The following DOCK7 variants were observed in gnomAD, a reference collection of about 807,000 sequenced individuals.
DOCK7 encodes the protein dedicator of cytokinesis 7, also known as dedicator of cytokinesis protein 7.
A neutral mutation model predicts 271.0 loss-of-function variants in DOCK7; 138 were observed. That is an observed-to-expected ratio of 0.51 (90% CI 0.44 to 0.59). The LOEUF (loss-of-function observed/expected upper bound fraction) is 0.59, where lower values mean the gene tolerates loss of function less well. DOCK7 is among the 20% of genes least tolerant of loss of function. DOCK7 has a pLI of 0.00. For missense variants in DOCK7, 2,066 were observed against 2,592.4 expected (o/e 0.80, Z 4.41); for synonymous variants, 823 against 876.1 (o/e 0.94, Z 1.07).
At chr1:62,592,000 C>T (rs1648523604) in intron 14 of DOCK7, among the ~76,000 whole-genome samples, 1 of 152,092 alleles carries the variant, frequency 6.6e-6, no homozygotes, top group Non-Finnish European at 1.5e-5. Context: ...AATTTAGTTA[C>T]TTAACACTTC....
intron 12 of DOCK7, among the ~76,000 whole-genome samples, chr1:62,620,809 G>A (rs753403549): frequency 6.6e-5 from 10 of 150,508 alleles, no homozygotes; most frequent in East Asian, 2.0e-4. Flanking sequence ...GCGTGAACTC[G>A]GGAGGCGGAG....
rs1038438088 is a variant in DOCK7, at chr1:62,678,685, T to G, written c.38+9542A>C. On this transcript the variant is annotated intron_variant, in intron 1 of 49. Transcript: ENST00000635253. ...AAATTTACGTGGAAATTCAAAGGGCTAAGAGCAGTCAAGATTTTTTTTTAA... is the reference window on the plus strand; with the variant it reads ...AAATTTACGTGGAAATTCAAAGGGCGAAGAGCAGTCAAGATTTTTTTTTAA... 2.6e-5 allele frequency among the ~76,000 whole-genome samples: 4 copies of G among 152,138 alleles called. 1 individual carries two copies. Among genetic ancestry groups the G allele is most frequent in the Admixed American group, 2.6e-4 (4 of 15,274 alleles).
chr1:62,536,079 T>C (rs918232302), intron 28 of DOCK7, among the ~76,000 whole-genome samples: 1 of 142,420 alleles, frequency 7.0e-6, no homozygotes, highest in Non-Finnish European at 1.5e-5. Context: ...GAATATACTA[T>C]CTCTGGAAAA....
intron 37 of DOCK7, 23 bp downstream of exon 37, chr1:62,504,607 A>G: frequency 6.2e-7 from 1 of 1,601,710 alleles, no homozygotes; most frequent in Non-Finnish European, 8.5e-7. Flanking sequence ...GAATACAGAG[A>G]ATTTTCATGA....
At chr1:62,512,166 T>C (rs950631540) in intron 33 of DOCK7, among the ~76,000 whole-genome samples, 2 of 152,228 alleles carry the variant, frequency 1.3e-5, no homozygotes, top group African/African-American at 4.8e-5. Context: ...ATTATTATTA[T>C]GCTAATGAAC....
chr1:62,584,941 T>A (rs780503308), intron 15 of DOCK7: 1 of 678,602 alleles, frequency 1.5e-6, no homozygotes, highest in Admixed American at 2.3e-5. Flanking sequence ...CAATAAAAAA[T>A]AGATTATTCT....
chr1:62,609,280 A>G (rs1651440587), intron 14 of DOCK7: 1 of 152,202 alleles, frequency 6.6e-6, no homozygotes. Flanking sequence ...TAAGAATTCT[A>G]TCTAAAATAC....
intron 11 of DOCK7, among the ~76,000 whole-genome samples, chr1:62,626,643 T>C (rs1483997908): frequency 1.3e-5 from 2 of 152,092 alleles, no homozygotes; most frequent in Non-Finnish European, 2.9e-5. Flanking sequence ...ACTAGATAAC[T>C]TTGATGAAAT....
chr1:62,672,867 T>C (rs1660164781), intron 1 of DOCK7, among the ~76,000 whole-genome samples: 1 of 152,086 alleles, frequency 6.6e-6, no homozygotes, highest in African/African-American at 2.4e-5. Context: ...AAATAATTCT[T>C]GCTATAGTTT....
chr1:62,511,391 A>T (rs1161692684), intron 33 of DOCK7: 1 of 152,230 alleles, frequency 6.6e-6, no homozygotes, highest in African/African-American at 2.4e-5. Flanking sequence ...AGCATTGAGA[A>T]TGTGGAGAAT....
chr1:62,578,701 G>C, intron 17 of DOCK7, 127 bp downstream of exon 17: 1 of 913,492 alleles, frequency 1.1e-6, no homozygotes, highest in Non-Finnish European at 1.5e-6. Context: ...CAGCCTGGGA[G>C]ACAGAGACTC....
rs147145613 is a variant in DOCK7 at position 62,686,833 on chromosome 1, C to A, written c.38+1394G>T. On this transcript the variant is annotated intron_variant, in intron 1 of 49. Transcript: ENST00000635253. ...TAGAGCCCATGCTCTTAAACACTTGCTATTTTGCCCCTTCAGGAAAAAAAA... is the reference window on the plus strand; with the variant it reads ...TAGAGCCCATGCTCTTAAACACTTGATATTTTGCCCCTTCAGGAAAAAAAA... Among the ~76,000 whole-genome samples the A allele has an allele frequency of 5.9e-3, 896 of 151,532 alleles. 7 individuals carry two copies. Among genetic ancestry groups the A allele is most frequent in the African/African-American group, 0.02 (845 of 41,250 alleles).
intron 7 of DOCK7, among the ~76,000 whole-genome samples, chr1:62,646,409 CAT>C (rs1169960444): frequency 6.6e-6 from 1 of 152,010 alleles, no homozygotes; most frequent in East Asian, 1.9e-4. Context: ...CCCCAAAATT[CAT>C]ATGTTAAAGC....
intron 7 of DOCK7, among the ~76,000 whole-genome samples, chr1:62,646,044 G>A (rs1656605066): frequency 6.6e-6 from 1 of 152,076 alleles, no homozygotes; most frequent in South Asian, 2.1e-4. Flanking sequence ...CTACTCAGGG[G>A]GCTGAGGCAG....
At chr1:62,523,611 G>A (rs1315304761) in intron 31 of DOCK7, among the ~76,000 whole-genome samples, 1 of 152,210 alleles carries the variant, frequency 6.6e-6, no homozygotes, top group East Asian at 1.9e-4. Flanking sequence ...GCTCACGCCT[G>A]TAATGCCAGC....
chr1:62,625,592 C>A (rs1202705382), intron 11 of DOCK7, among the ~76,000 whole-genome samples, 191 bp from the exon 12 acceptor site: 2 of 152,086 alleles, frequency 1.3e-5, no homozygotes, highest in African/African-American at 2.4e-5. Context: ...CTTTTTACAA[C>A]ATCACAGGTG....
rs1423338717 is a variant in DOCK7 at position 62,513,043 on chromosome 1, T to TTA, written c.4282+400_4282+401insTA. On this transcript the variant is annotated intron_variant, in intron 33 of 49. Transcript: ENST00000635253. ...GCACTACTCTGATGGGGGATGTTAA[T>TTA]AATGGGGGAGGCTACGCATACTAAG... 1.1e-4 allele frequency among the ~76,000 whole-genome samples: 17 copies of TTA among 152,120 alleles called. No homozygotes were observed. The South Asian group carries it at 2.7e-3, about 24-fold the overall frequency.
At chr1:62,615,517 A>T (rs997560826) in intron 14 of DOCK7, among the ~76,000 whole-genome samples, 1 of 151,800 alleles carries the variant, frequency 6.6e-6, no homozygotes, top group African/African-American at 2.4e-5. Flanking sequence ...GTATATAAGG[A>T]GGAATAAGGT....
intron 1 of DOCK7, among the ~76,000 whole-genome samples, chr1:62,665,120 G>A (rs1659139982): frequency 1.3e-5 from 2 of 152,068 alleles, no homozygotes; most frequent in Admixed American, 1.3e-4. Context: ...CCAAGTGGCT[G>A]GAATTACAGG....
Sources: allele counts gnomAD v4.1 joint callset (sites outside exome capture counted in the v4.1 genomes callset), GRCh38; gene constraint gnomAD v4.1.1; transcripts MANE v1.5; gene names NCBI Gene and HGNC (gene_info 2026-07-23, HGNC 2026-07-21).